Variants in DACH1 observed in about 807,000 individuals in gnomAD.
The protein encoded by DACH1 is dachshund family transcription factor 1.
In DACH1, 12 loss-of-function variants were observed where a neutral mutation model predicts 54.2. That is an observed-to-expected ratio of 0.22 (90% CI 0.14 to 0.36). DACH1 has a LOEUF of 0.36. DACH1 is among the 10% of genes least tolerant of loss of function. The pLI, the probability that DACH1 is intolerant of heterozygous loss-of-function variation, is 1.00. For synonymous variants in DACH1, 386 were observed against 366.2 expected, an observed-to-expected ratio of 1.05 and a Z score of -0.62; for missense variants, 805 against 929.8, an observed-to-expected ratio of 0.87 and a Z score of 1.75.
intron 1 of DACH1, among the ~76,000 whole-genome samples, chr13:71,786,323 G>A (rs1594219579): frequency 1.3e-5 from 2 of 152,156 alleles, no homozygotes; most frequent in Admixed American, 1.3e-4. Context: ...GTTTGAAATT[G>A]TAAGTAGATG....
chr13:71,603,391 G>A (rs1049434567), intron 3 of DACH1, among the ~76,000 whole-genome samples: 2 of 151,964 alleles, frequency 1.3e-5, no homozygotes, highest in Non-Finnish European at 2.9e-5. Context: ...AAAGAAGTGT[G>A]CCTACACCAC....
chr13:71,842,384 G>C (rs565192935), intron 1 of DACH1, among the ~76,000 whole-genome samples: 18 of 151,122 alleles, frequency 1.2e-4, no homozygotes, highest in Admixed American at 1.2e-3. Context: ...AGACCAGCCT[G>C]GGCAAAATGG....
chr13:71,540,095 A>C (rs996786706), intron 6 of DACH1, among the ~76,000 whole-genome samples: 1 of 151,954 alleles, frequency 6.6e-6, no homozygotes, highest in Non-Finnish European at 1.5e-5. Context: ...TATTTATAAT[A>C]TAAATTCACT....
At chr13:71,675,564 T>C in intron 2 of DACH1, 4 of 771,424 alleles carry the variant, frequency 5.2e-6, no homozygotes, top group Non-Finnish European at 8.4e-6. Flanking sequence ...GAACGTTAGA[T>C]ATTTTTTTTC....
intron 10 of DACH1, among the ~76,000 whole-genome samples, chr13:71,465,132 A>G (rs1876451587): frequency 6.6e-6 from 1 of 152,102 alleles, no homozygotes. Context: ...TTATATTTAT[A>G]GTTTAAATGA....
intron 10 of DACH1, among the ~76,000 whole-genome samples, chr13:71,468,443 G>A (rs1876788684): frequency 6.6e-6 from 1 of 152,096 alleles, no homozygotes; most frequent in African/African-American, 2.4e-5. Context: ...TTAACTATTA[G>A]CTTCCATAGA....
At chr13:71,683,658 T>C (rs1194601974) in intron 1 of DACH1, among the ~76,000 whole-genome samples, 2 of 152,112 alleles carry the variant, frequency 1.3e-5, no homozygotes, top group East Asian at 3.9e-4. Flanking sequence ...TCCCTCAAGC[T>C]ACTTCCTCTT....
rs570762110 is a variant in DACH1 at position 71,573,975 on chromosome 13, T to C, written c.1127-963A>G. Among the ~76,000 whole-genome samples, 6 of 152,300 alleles carry C rather than the reference T, an allele frequency of 3.9e-5. No homozygotes were observed. In the South Asian group the frequency reaches 1.2e-3, roughly 32 times the overall value. ...CTAGCCATCACATAAAGTGCCTAACTTCATTACACAGCAAATCCAAAAAAT... is the reference window on the plus strand; with the variant it reads ...CTAGCCATCACATAAAGTGCCTAACCTCATTACACAGCAAATCCAAAAAAT... On this transcript the variant is annotated intron_variant, in intron 3 of 10. Coordinates refer to ENST00000613252, the MANE Select transcript of DACH1 (RefSeq NM_080759.6).
chr13:71,566,752 A>G (rs564313849), intron 4 of DACH1, among the ~76,000 whole-genome samples: 43 of 152,228 alleles, frequency 2.8e-4, no homozygotes, highest in African/African-American at 7.9e-4. Context: ...ATTTAATATC[A>G]ATATTCAAAT....
rs566265840 is a variant in DACH1 at position 71,571,278 on chromosome 13, G to A, written c.1299+1562C>T. Among the ~76,000 whole-genome samples, 61 of 152,142 alleles carry A rather than the reference G, an allele frequency of 4.0e-4. 1 individual carries two copies. The highest frequency in any genetic ancestry group is 6.2e-4 in the South Asian group (3 of 4,812). ...TAGTACCTTGTAATATTTGCTTAAA[G>A]TAGCCATTGACTACAATGATGGGAA... On this transcript the variant is annotated intron_variant, in intron 4 of 10. Transcript: ENST00000613252.
intron 3 of DACH1, among the ~76,000 whole-genome samples, chr13:71,619,780 G>T (rs1876072128): frequency 6.6e-6 from 1 of 151,874 alleles, no homozygotes; most frequent in Admixed American, 6.6e-5. Context: ...TTATGTAATT[G>T]CTAAGGTCAT....
At chr13:71,665,028 A>G (rs991251846) in intron 2 of DACH1, among the ~76,000 whole-genome samples, 2 of 152,034 alleles carry the variant, frequency 1.3e-5, no homozygotes, top group African/African-American at 2.4e-5. Flanking sequence ...AATGAAGACT[A>G]TAAGAGTGAG....
intron 1 of DACH1, among the ~76,000 whole-genome samples, chr13:71,733,622 A>G (rs547719836): frequency 2.0e-5 from 3 of 152,290 alleles, no homozygotes; most frequent in Non-Finnish European, 4.4e-5. Flanking sequence ...CTTAAATATA[A>G]AAATATGATG....
intron 1 of DACH1, among the ~76,000 whole-genome samples, chr13:71,727,095 A>C (rs908052547): frequency 1.3e-5 from 2 of 152,102 alleles, no homozygotes; most frequent in African/African-American, 4.8e-5. Flanking sequence ...GTCTTCAAAA[A>C]ACAAGGCCTA....
chr13:71,857,486 A>G (rs1306234368), intron 1 of DACH1, among the ~76,000 whole-genome samples: 1 of 151,642 alleles, frequency 6.6e-6, no homozygotes, highest in Non-Finnish European at 1.5e-5. Flanking sequence ...ATGTATTCCT[A>G]CACAACACAT....
At chr13:71,687,667 A>T (rs1881251606) in intron 1 of DACH1, among the ~76,000 whole-genome samples, 1 of 152,132 alleles carries the variant, frequency 6.6e-6, no homozygotes, top group Non-Finnish European at 1.5e-5. Flanking sequence ...GAGTGCCGTG[A>T]TGTGATCACA....
At chr13:71,514,240 G>A (rs1880995088) in intron 6 of DACH1, among the ~76,000 whole-genome samples, 1 of 151,752 alleles carries the variant, frequency 6.6e-6, no homozygotes, top group East Asian at 1.9e-4. Flanking sequence ...AAACATATAG[G>A]CTTTGATATA....
At chr13:71,862,339 T>C (rs1874414326) in intron 1 of DACH1, among the ~76,000 whole-genome samples, 2 of 152,182 alleles carry the variant, frequency 1.3e-5, no homozygotes, top group South Asian at 4.1e-4. Flanking sequence ...ACCATGTACA[T>C]AATTACTTTT....
intron 6 of DACH1, among the ~76,000 whole-genome samples, chr13:71,514,274 A>C (rs1308973563): frequency 6.6e-6 from 1 of 151,932 alleles, no homozygotes; most frequent in Non-Finnish European, 1.5e-5. Context: ...GGCTAAATCT[A>C]AATTATAATC....
Sources: allele counts gnomAD v4.1 joint callset (sites outside exome capture counted in the v4.1 genomes callset), GRCh38; gene constraint gnomAD v4.1.1; transcripts MANE v1.5; gene names NCBI Gene and HGNC (gene_info 2026-07-23, HGNC 2026-07-21).